The following LZTS1 variants were observed in gnomAD, a reference collection of about 807,000 sequenced individuals.
The protein encoded by LZTS1 is leucine zipper putative tumor suppressor 1.
In LZTS1, 31 loss-of-function variants were observed where a neutral mutation model predicts 45.8. The observed-to-expected ratio is 0.68, with a 90% CI of 0.51 to 0.91. The LOEUF (loss-of-function observed/expected upper bound fraction) is 0.91. Among genes scored for constraint, LZTS1 ranks in the 40% least tolerant of loss-of-function variants. The probability of loss-of-function intolerance (pLI) is 0.00; values close to 1 mark genes in which losing one functional copy is unlikely to be tolerated. For missense variants in LZTS1, 821 were observed against 788.9 expected, an observed-to-expected ratio of 1.04 and a Z score of -0.49; for synonymous variants, 359 against 357.3, an observed-to-expected ratio of 1.00 and a Z score of -0.05.
chr8:20,302,252 C>T (rs1801093495), intron 1 of LZTS1, among the ~76,000 whole-genome samples: 1 of 152,180 alleles, frequency 6.6e-6, no homozygotes, highest in Admixed American at 6.5e-5. Flanking sequence ...AAGAAAAGCG[C>T]TGGATAAATA....
chr8:20,256,523 GTCTGTAATCCCAGCA>G (rs1223649567), intron 1 of LZTS1, among the ~76,000 whole-genome samples: 1 of 152,136 alleles, frequency 6.6e-6, no homozygotes, highest in East Asian at 1.9e-4. Flanking sequence ...GGTGGCTCAC[GTCTGTAATCCCAGCA>G]TTTTGGGAGG....
At chr8:20,273,971 A>G (rs1800525540) in intron 1 of LZTS1, among the ~76,000 whole-genome samples, 1 of 151,618 alleles carries the variant, frequency 6.6e-6, no homozygotes, top group South Asian at 2.1e-4. Context: ...GAGTTTGTAA[A>G]TCTGTCATTT....
chr8:20,271,640 T>G (rs1457342774), intron 1 of LZTS1, among the ~76,000 whole-genome samples: 1 of 152,196 alleles, frequency 6.6e-6, no homozygotes, highest in African/African-American at 2.4e-5. Flanking sequence ...CTTTCCCACC[T>G]ACTCTTCCCT....
At chr8:20,260,423 C>T (rs1052159072) in intron 1 of LZTS1, among the ~76,000 whole-genome samples, 2 of 152,146 alleles carry the variant, frequency 1.3e-5, no homozygotes, top group Non-Finnish European at 2.9e-5. Context: ...AGGTGGGATG[C>T]CGTGGCCCTG....
intron 1 of LZTS1, among the ~76,000 whole-genome samples, chr8:20,268,814 T>C (rs1161710928): frequency 6.6e-6 from 1 of 152,124 alleles, no homozygotes; most frequent in East Asian, 1.9e-4. Context: ...CTCAATTAAG[T>C]GCACTTGGAT....
intron 1 of LZTS1, among the ~76,000 whole-genome samples, chr8:20,280,884 C>G (rs1477592849): frequency 6.6e-6 from 1 of 152,164 alleles, no homozygotes; most frequent in East Asian, 1.9e-4. Flanking sequence ...AAGTACCTCC[C>G]AGACTTACCT....
intron 1 of LZTS1, among the ~76,000 whole-genome samples, chr8:20,273,014 T>C (rs1224530999): frequency 6.6e-6 from 1 of 152,232 alleles, no homozygotes. Context: ...TCACTATTGC[T>C]GCTCGATCAT....
rs780470908 is a variant in LZTS1 at position 20,252,866 on chromosome 8, C to T, written c.1065G>A (p.Glu355=). ...LRQELESLMK[E]QDLLETKLRS... ...TGAGCTTGGTCTCCAGCAGGTCCTG[C>T]TCCTTCATGAGGCTCTCGAGCTCCT... Residue 355 remains glutamate (E), a synonymous_variant, in exon 3 of 4, where the codon GAG becomes GAA. Coordinates refer to ENST00000381569, the MANE Select transcript of LZTS1 (RefSeq NM_021020.5). 6.2e-7 allele frequency: 1 copy of T among 1,610,030 alleles called. No individual in the cohort carries two copies. Among genetic ancestry groups the T allele is most frequent in the Non-Finnish European group, 8.5e-7 (1 of 1,178,132 alleles).
chr8:20,277,973 C>T (rs903155042), intron 1 of LZTS1, among the ~76,000 whole-genome samples: 6 of 152,180 alleles, frequency 3.9e-5, no homozygotes, highest in Admixed American at 3.3e-4. Context: ...CTGTATGTAT[C>T]ACTTAGCACA....
intron 1 of LZTS1, among the ~76,000 whole-genome samples, chr8:20,286,165 TTTC>T (rs1323118252): frequency 6.6e-6 from 1 of 152,178 alleles, no homozygotes; most frequent in Middle Eastern, 3.2e-3. Context: ...ATTAAGAATT[TTTC>T]TTCATCAAAG....
At chr8:20,281,597 C>G (rs1017575496) in intron 1 of LZTS1, among the ~76,000 whole-genome samples, 1 of 152,088 alleles carries the variant, frequency 6.6e-6, no homozygotes, top group African/African-American at 2.4e-5. Context: ...GCTGAGTGCC[C>G]TCCTCACAGT....
intron 1 of LZTS1, among the ~76,000 whole-genome samples, chr8:20,261,364 T>C (rs1022899516): frequency 1.8e-4 from 27 of 152,168 alleles, no homozygotes; most frequent in Non-Finnish European, 2.2e-4. Flanking sequence ...TCTCAGAATC[T>C]GGCCCCAGGA....
intron 1 of LZTS1, among the ~76,000 whole-genome samples, chr8:20,297,316 T>G (rs1296556673): frequency 6.6e-6 from 1 of 152,256 alleles, no homozygotes. Context: ...TGACAAGCTA[T>G]AAAGAAAGAA....
chr8:20,253,639 C>A, intron 2 of LZTS1, 54 bp from the exon 3 acceptor site: 6 of 1,356,338 alleles, frequency 4.4e-6, no homozygotes, highest in Non-Finnish European at 5.8e-6. Flanking sequence ...GCGCATTGCA[C>A]CCTCCCTCCC....
At chr8:20,252,412 G>A (rs1043424598) in intron 3 of LZTS1, among the ~76,000 whole-genome samples, 3 of 152,160 alleles carry the variant, frequency 2.0e-5, no homozygotes, top group Admixed American at 6.6e-5. Context: ...TGGGCCCCTG[G>A]CCCCGCCTGA....
intron 1 of LZTS1, among the ~76,000 whole-genome samples, chr8:20,280,362 T>G (rs543530110): frequency 6.6e-6 from 1 of 152,324 alleles, no homozygotes; most frequent in South Asian, 2.1e-4. Context: ...TGGCTCGTGT[T>G]CCTGCTGGCA....
chr8:20,252,179 C>T (rs139860997), intron 3 of LZTS1, among the ~76,000 whole-genome samples: 12 of 152,256 alleles, frequency 7.9e-5, no homozygotes, highest in African/African-American at 2.4e-4. Flanking sequence ...CTCATTTCCA[C>T]GTGTGACCGG....
At chr8:20,275,155 A>G (rs1175078777) in intron 1 of LZTS1, among the ~76,000 whole-genome samples, 1 of 152,192 alleles carries the variant, frequency 6.6e-6, no homozygotes, top group Non-Finnish European at 1.5e-5. Flanking sequence ...TAATCCCAGT[A>G]CTTTGGGAGA....
chr8:20,272,027 C>T (rs530176213), intron 1 of LZTS1, among the ~76,000 whole-genome samples: 14 of 152,312 alleles, frequency 9.2e-5, no homozygotes, highest in Admixed American at 6.5e-4. Flanking sequence ...TTTCAATATT[C>T]ACAAGTACTT....
Sources: allele counts gnomAD v4.1 joint callset (sites outside exome capture counted in the v4.1 genomes callset), GRCh38; gene constraint gnomAD v4.1.1; transcripts MANE v1.5; gene names NCBI Gene and HGNC (gene_info 2026-07-23, HGNC 2026-07-21).